Variants in ZSCAN22 observed in about 807,000 individuals in gnomAD.
The protein encoded by ZSCAN22 is zinc finger and SCAN domain-containing protein 22.
Under a neutral mutation model 12.4 loss-of-function variants are expected in ZSCAN22, and 7 were observed. The observed-to-expected ratio is 0.57, with a 90% CI of 0.32 to 1.06. The LOEUF is 1.06. ZSCAN22 is among the 50% of genes least tolerant of loss of function. The probability of loss-of-function intolerance (pLI) is 0.04; values close to 1 mark genes in which losing one functional copy is unlikely to be tolerated. For missense variants in ZSCAN22, 576 were observed against 631.7 expected (o/e 0.91, Z 0.94); for synonymous variants, 243 against 255.9 (o/e 0.95, Z 0.48).
rs2147995160 is a variant in ZSCAN22 at position 58,341,939 on chromosome 19, T to G, written c.*2613T>G. 1 of 152,346 alleles carries G rather than the reference T, an allele frequency of 6.6e-6. No individual in the cohort carries two copies. The highest frequency in any genetic ancestry group is 1.9e-4 in the East Asian group (1 of 5,178). The allele number at this position is 152,346 out of a possible 1,614,324, so 9.4% of individuals were successfully genotyped here. ...TAGTGCCTGACCCAAAGCCTGGCCC[T>G]GCACACTGTCTCTGACTCACAGCAA... On this transcript the variant is annotated 3_prime_UTR_variant, in exon 3 of 3. Coordinates refer to ENST00000329665, the MANE Select transcript of ZSCAN22 (RefSeq NM_181846.3).
chr19:58,334,793 C>T lies in ZSCAN22; in HGVS notation c.-10C>T, dbSNP rs2051771258. The T allele has an allele frequency of 1.3e-6, 2 of 1,588,736 alleles. No individual in the cohort carries two copies. ...CCGGCATCCTGTGTCTCACTGAGCACTGCTGCCCGATGGCCATCCCCAAGC... is the reference window on the plus strand; with the variant it reads ...CCGGCATCCTGTGTCTCACTGAGCATTGCTGCCCGATGGCCATCCCCAAGC... On this transcript the variant is annotated 5_prime_UTR_variant, in exon 2 of 3. Transcript: ENST00000329665.
intron 1 of ZSCAN22, among the ~76,000 whole-genome samples, chr19:58,328,616 G>A (rs2051684675): frequency 6.6e-6 from 1 of 152,212 alleles, no homozygotes; most frequent in Non-Finnish European, 1.5e-5. Flanking sequence ...TGGTAAAGCA[G>A]CTGTGGATGG....
chr19:58,338,198 A>G lies in ZSCAN22; in HGVS notation c.404-56A>G. 4 of 1,488,362 alleles carry G rather than the reference A, an allele frequency of 2.7e-6. No homozygotes were observed. In the South Asian group the frequency reaches 5.1e-5, roughly 19 times the overall value. 92.2% of individuals were successfully genotyped at this position (1,488,362 alleles called of 1,614,324 possible). ...AAAGTGTGACCGGGGCCCTCGGCAG[A>G]GTAGGGGAGGCTTGGTGTGGTAGGA... On this transcript the variant is annotated intron_variant, in intron 2 of 2. Transcript: ENST00000329665. This position sits in a 1 kb window ranked among gnomAD's most constrained non-coding sequence, Gnocchi z 5.4.
intron 1 of ZSCAN22, among the ~76,000 whole-genome samples, chr19:58,333,425 T>G (rs892744176): frequency 4.6e-5 from 7 of 152,314 alleles, no homozygotes; most frequent in Middle Eastern, 3.4e-3. Context: ...TCAGCAAATT[T>G]TAAATGATCG....
At chr19:58,333,837 C>T (rs1409627108) in intron 1 of ZSCAN22, among the ~76,000 whole-genome samples, 4 of 151,766 alleles carry the variant, frequency 2.6e-5, no homozygotes, top group East Asian at 1.9e-4. Flanking sequence ...AGGGAGACTC[C>T]GTCTCAAAAA....
chr19:58,330,025 A>G (rs1274563242), intron 1 of ZSCAN22, among the ~76,000 whole-genome samples: 1 of 152,248 alleles, frequency 6.6e-6, no homozygotes, highest in Non-Finnish European at 1.5e-5. Context: ...GCAGTGGCTC[A>G]TGCCTGTAAT....
chr19:58,331,518 GTTATTATTA>G (rs74179462), intron 1 of ZSCAN22, among the ~76,000 whole-genome samples: 1,666 of 119,426 alleles, frequency 0.014, 18 homozygotes, highest in Middle Eastern at 0.044. Context: ...TCCAGCTGAC[GTTATTATTA>G]TTATTATTAT....
chr19:58,339,965 C>T lies in ZSCAN22; in HGVS notation c.*639C>T, dbSNP rs553542542. ...CCTGTCTCTCCTTTTCCTTCCACAT[C>T]CCACCAGTCACCAGCGCTATTGTTT... On this transcript the variant is annotated 3_prime_UTR_variant, in exon 3 of 3. Transcript: ENST00000329665. This position sits in a 1 kb window ranked among gnomAD's most constrained non-coding sequence, Gnocchi z 5.6. 4.8e-4 allele frequency: 74 copies of T among 153,154 alleles called. No individual in the cohort carries two copies. The highest frequency in any genetic ancestry group is 3.3e-3 in the Middle Eastern group (1 of 300). The allele number at this position is 153,154 out of a possible 1,614,324, so 9.5% of individuals were successfully genotyped here.
At chr19:58,330,229 G>T (rs979425287) in intron 1 of ZSCAN22, among the ~76,000 whole-genome samples, 1 of 152,196 alleles carries the variant, frequency 6.6e-6, no homozygotes, top group Non-Finnish European at 1.5e-5. Flanking sequence ...GGCAGAGCTT[G>T]CAGTGAGCCA....
In ZSCAN22 at chr19:58,340,482, T is replaced by TTTC; in HGVS notation, c.*1158_*1159insCTT. 6.6e-6 allele frequency: 1 copy of TTTC among 150,690 alleles called. No homozygotes were observed. 9.3% of individuals were successfully genotyped at this position (150,690 alleles called of 1,614,324 possible). ...TCTTTTTCTTTTTCTTTTCTTTTCTTTTTTTTTTTTTGAGATGGAGTCTCG... is the reference window on the plus strand; with the variant it reads ...TCTTTTTCTTTTTCTTTTCTTTTCTTTTCTTTTTTTTTTTGAGATGGAGTCTCG... On this transcript the variant is annotated 3_prime_UTR_variant, in exon 3 of 3. Coordinates refer to ENST00000329665, the MANE Select transcript of ZSCAN22 (RefSeq NM_181846.3).
chr19:58,339,501 C>T lies in ZSCAN22; in HGVS notation c.*175C>T. On this transcript the variant is annotated 3_prime_UTR_variant, in exon 3 of 3. Coordinates refer to ENST00000329665, the MANE Select transcript of ZSCAN22 (RefSeq NM_181846.3). This position sits in a 1 kb window ranked among gnomAD's most constrained non-coding sequence, Gnocchi z 5.6. Reference sequence around the variant, plus strand: ...AGGAACCACTCTGCATTTGAGGAACCCTGATGAGCACAAGGTGATTCAGGC... The same window carrying T: ...AGGAACCACTCTGCATTTGAGGAACTCTGATGAGCACAAGGTGATTCAGGC... 1 of 623,646 alleles carries T rather than the reference C, an allele frequency of 1.6e-6. No individual in the cohort carries two copies. The highest frequency in any genetic ancestry group is 2.7e-6 in the Non-Finnish European group (1 of 363,938). 38.6% of individuals were successfully genotyped at this position (623,646 alleles called of 1,614,324 possible).
chr19:58,339,232 A>C lies in ZSCAN22; in HGVS notation c.1382A>C (p.Glu461Ala), dbSNP rs1266102920. The change falls in exon 3 of 3, where the codon GAG (glutamate) becomes GCG (alanine). Residue 461 changes from glutamate to alanine, a missense_variant. Transcript: ENST00000329665. This position sits in a 1 kb window ranked among gnomAD's most constrained non-coding sequence, Gnocchi z 5.6. ...LIEHQRIHTGEKPYKCSDCGK... is the reference protein window; with the variant it reads ...LIEHQRIHTGAKPYKCSDCGK... Reference sequence around the variant, plus strand: ...GAGCACCAGAGGATCCACACGGGAGAGAAGCCTTATAAGTGCAGCGACTGT... The same window carrying C: ...GAGCACCAGAGGATCCACACGGGAGCGAAGCCTTATAAGTGCAGCGACTGT... 1 of 1,614,104 alleles carries C rather than the reference A, an allele frequency of 6.2e-7. No individual in the cohort carries two copies. Among genetic ancestry groups the C allele is most frequent in the Non-Finnish European group, 8.5e-7 (1 of 1,180,020 alleles).
rs902241818 is a variant in ZSCAN22 at position 58,341,102 on chromosome 19, G to A, written c.*1776G>A. The A allele has an allele frequency of 6.6e-6, 1 of 152,106 alleles. No individual in the cohort carries two copies. The highest frequency in any genetic ancestry group is 6.5e-5 in the Admixed American group (1 of 15,272). 9.4% of individuals were successfully genotyped at this position (152,106 alleles called of 1,614,324 possible). ...CACCGTGCTGTCTCTGCCCCACATT[G>A]TCCTTATGTATGTTTACATGGATGT... On this transcript the variant is annotated 3_prime_UTR_variant, in exon 3 of 3. Transcript: ENST00000329665.
At chr19:58,332,448 AT>A (rs1304701519) in intron 1 of ZSCAN22, among the ~76,000 whole-genome samples, 2 of 148,674 alleles carry the variant, frequency 1.3e-5, no homozygotes, top group African/African-American at 2.5e-5. Context: ...TAATTTTTGT[AT>A]TTTTTAGTAG....
chr19:58,339,083 C>T lies in ZSCAN22; in HGVS notation c.1233C>T (p.Asp411=), dbSNP rs2051837925. The change falls in exon 3 of 3, where the codon GAC becomes GAT. Residue 411 remains aspartate (D), a synonymous_variant. Transcript: ENST00000329665. The surrounding 1 kb of genome is among the most constrained non-coding windows in gnomAD (Gnocchi z 5.6). ...CCGGGGAGAAGCCCTACAAGTGTGACGCGTGTGGCCGAGCCTTCAGCGACT... is the reference window on the plus strand; with the variant it reads ...CCGGGGAGAAGCCCTACAAGTGTGATGCGTGTGGCCGAGCCTTCAGCGACT... ...IHTGEKPYKC[D]ACGRAFSDCS... is the part of the protein sequence containing the mutation. 11 of 1,614,242 alleles carry T rather than the reference C, an allele frequency of 6.8e-6. No homozygotes were observed. The highest frequency in any genetic ancestry group is 4.5e-5 in the East Asian group (2 of 44,888).
chr19:58,328,657 G>T (rs2051685274), intron 1 of ZSCAN22, among the ~76,000 whole-genome samples: 1 of 152,188 alleles, frequency 6.6e-6, no homozygotes, highest in South Asian at 2.1e-4. Flanking sequence ...GTTGAGGTTG[G>T]CTGAGGAGGC....
intron 2 of ZSCAN22, among the ~76,000 whole-genome samples, chr19:58,336,531 G>C (rs1040691405): frequency 6.6e-6 from 1 of 152,072 alleles, no homozygotes; most frequent in African/African-American, 2.4e-5. Context: ...AGGAAGGAAG[G>C]GGGAGACAGG....
At chr19:58,330,138 A>G (rs1297497341) in intron 1 of ZSCAN22, among the ~76,000 whole-genome samples, 1 of 152,120 alleles carries the variant, frequency 6.6e-6, no homozygotes, top group Admixed American at 6.6e-5. Flanking sequence ...AGTACAAAAA[A>G]AAATAGCTGG....
At chr19:58,333,121 C>T (rs757077694) in intron 1 of ZSCAN22, among the ~76,000 whole-genome samples, 11 of 152,168 alleles carry the variant, frequency 7.2e-5, no homozygotes, top group Non-Finnish European at 1.3e-4. Context: ...ACATTCTTTG[C>T]TCATTTTAAA....
Sources: allele counts gnomAD v4.1 joint callset (sites outside exome capture counted in the v4.1 genomes callset), GRCh38; gene constraint gnomAD v4.1.1; non-coding constraint Gnocchi (gnomAD v3.1); transcripts MANE v1.5; gene names NCBI Gene and HGNC (gene_info 2026-07-23, HGNC 2026-07-21).